The following MTMR10 variants were observed in gnomAD, a reference collection of about 807,000 sequenced individuals.
MTMR10 encodes myotubularin-related protein 10.
In MTMR10, 56 loss-of-function variants were observed where a neutral mutation model predicts 88.1. The ratio of observed to expected loss-of-function variants is 0.64; its 90% confidence interval spans 0.51 to 0.79. MTMR10 has a LOEUF of 0.79. Ranked by LOEUF, MTMR10 falls within the 30% of genes least tolerant of loss-of-function variation. The pLI is 0.00. For synonymous variants in MTMR10, 380 were observed against 340.9 expected (o/e 1.11, Z -1.26); for missense variants, 883 against 924.7 (o/e 0.95, Z 0.58).
the MTMR10 span, chr15:30,928,002 A>G: frequency 1.0e-6 from 1 of 985,876 alleles, no homozygotes; most frequent in Non-Finnish European, 1.2e-6. Flanking sequence ...AGCCTTGACT[A>G]TCGGAAGCAC....
chr15:30,974,647 A>G (rs1446227583), intron 4 of MTMR10, among the ~76,000 whole-genome samples, 191 bp from the exon 5 acceptor site: 1 of 152,180 alleles, frequency 6.6e-6, no homozygotes, highest in African/African-American at 2.4e-5. Flanking sequence ...AAGATATTTT[A>G]AATGATTATT....
the MTMR10 span, chr15:30,926,582 C>T: frequency 5.1e-6 from 5 of 980,006 alleles, no homozygotes; most frequent in Non-Finnish European, 6.1e-6. Context: ...TGAGATTCAT[C>T]TACATAATAT....
chr15:30,935,817 A>G (rs140576395), downstream of MTMR10, among the ~76,000 whole-genome samples: 1 of 152,312 alleles, frequency 6.6e-6, no homozygotes, highest in Non-Finnish European at 1.5e-5. Flanking sequence ...TCTAACTAGC[A>G]TGGTTTCCAA....
chr15:30,978,788 A>G (rs181777350), intron 2 of MTMR10, among the ~76,000 whole-genome samples: 13 of 152,324 alleles, frequency 8.5e-5, no homozygotes, highest in African/African-American at 2.9e-4. Context: ...GTCTTTCCCT[A>G]TAATTACATA....
chr15:30,934,027 C>T (rs541982999), downstream of MTMR10, among the ~76,000 whole-genome samples: 6 of 152,118 alleles, frequency 3.9e-5, no homozygotes, highest in East Asian at 9.7e-4. Flanking sequence ...TGAGAGTATA[C>T]CGTGCCCAGC....
At chr15:30,933,270 A>T in the MTMR10 span, among the ~76,000 whole-genome samples, 1 of 152,122 alleles carries the variant, frequency 6.6e-6, no homozygotes, top group Non-Finnish European at 1.5e-5. Context: ...TAGTGCTCCA[A>T]ATTTCCTTCT....
intron 7 of MTMR10, 59 bp from the exon 8 acceptor site, chr15:30,959,180 C>A: frequency 7.2e-7 from 1 of 1,394,264 alleles, no homozygotes; most frequent in Non-Finnish European, 9.9e-7. Context: ...TAGTGTGCTC[C>A]TGCAGACCCT....
At chr15:30,964,725 G>A (rs796606204) in intron 6 of MTMR10, among the ~76,000 whole-genome samples, 3 of 152,210 alleles carry the variant, frequency 2.0e-5, no homozygotes, top group Non-Finnish European at 2.9e-5. Context: ...ACCTGGCTCC[G>A]CTGACCGCTA....
chr15:30,978,757 G>A (rs2030343312), intron 2 of MTMR10, among the ~76,000 whole-genome samples: 1 of 152,124 alleles, frequency 6.6e-6, no homozygotes, highest in African/African-American at 2.4e-5. Flanking sequence ...ATAACCAAGT[G>A]TTCTGACTTC....
At chr15:30,954,739 T>C (rs1219116076) in intron 10 of MTMR10, 24 bp downstream of exon 10, 4 of 1,574,318 alleles carry the variant, frequency 2.5e-6, no homozygotes, top group African/African-American at 1.4e-5. Context: ...GTTCATTATA[T>C]ATATGAAATA....
intron 2 of MTMR10, among the ~76,000 whole-genome samples, chr15:30,978,038 C>G (rs1405032368): frequency 6.6e-6 from 1 of 152,188 alleles, no homozygotes; most frequent in Admixed American, 6.5e-5. Context: ...CAGCCTTCCT[C>G]ACCCTCACTG....
At chr15:30,974,477 G>A (rs759330646) in intron 4 of MTMR10, 21 bp from the exon 5 acceptor site, 6 of 1,498,246 alleles carry the variant, frequency 4.0e-6, no homozygotes, top group Non-Finnish European at 5.4e-6. Flanking sequence ...AAAAAAAATA[G>A]AGAAAATAAA....
At chr15:30,972,641 T>C (rs2141045069) in intron 5 of MTMR10, among the ~76,000 whole-genome samples, 1 of 152,276 alleles carries the variant, frequency 6.6e-6, no homozygotes, top group South Asian at 2.1e-4. Context: ...TGTAGTTGAT[T>C]TTATGCTGCC....
In MTMR10 at chr15:30,977,753, C is replaced by T. The variant is rs548204874; in HGVS notation, c.122-798G>A. ...AACCTTTAGCCCGATAGAATGTTTG[C>T]TGACAAACTCCAAACTCCTACCAAT... On this transcript the variant is annotated intron_variant, in intron 2 of 15. Coordinates refer to ENST00000435680, the MANE Select transcript of MTMR10 (RefSeq NM_017762.3). Among the ~76,000 whole-genome samples, 21 of 152,302 alleles carry T rather than the reference C, an allele frequency of 1.4e-4. No homozygotes were observed. In the South Asian group the frequency reaches 4.1e-3, roughly 30 times the overall value.
the MTMR10 span, chr15:30,929,273 A>G: frequency 6.2e-7 from 1 of 1,613,692 alleles, no homozygotes. Flanking sequence ...GCCAGGCTGC[A>G]GCTGATTCAT....
chr15:30,929,256 C>T, the MTMR10 span: 2 of 1,613,678 alleles, frequency 1.2e-6, no homozygotes, highest in Non-Finnish European at 1.7e-6. Context: ...GACGCCCAGC[C>T]CTTGAGGCCA....
chr15:30,928,173 G>T, the MTMR10 span: 1 of 1,011,396 alleles, frequency 9.9e-7, no homozygotes. Flanking sequence ...GCCTGCATGG[G>T]GATTCTGTGC....
Position 30,974,956 on chromosome 15 carries a change from T to G in MTMR10, c.306A>C (p.Leu102Phe). Residue 102 changes from leucine (L) to phenylalanine (F), a missense_variant, in exon 4 of 16, where the codon TTA (leucine) becomes TTC (phenylalanine). Transcript: ENST00000435680. ...CTGTGACAATTTGCTCAATACATGTTAAAGGGACATCGTGTTCACCAAGAA... is the reference window on the plus strand; with the variant it reads ...CTGTGACAATTTGCTCAATACATGTGAAAGGGACATCGTGTTCACCAAGAA... ...NLLLGEHDVP[L>F]TCIEQIVTVN... is the part of the protein sequence containing the mutation. The G allele has an allele frequency of 6.3e-7, 1 of 1,578,032 alleles. No individual in the cohort carries two copies. Among genetic ancestry groups the G allele is most frequent in the Non-Finnish European group, 8.6e-7 (1 of 1,159,846 alleles).
At chr15:30,969,880 T>A (rs1235875210) in intron 5 of MTMR10, among the ~76,000 whole-genome samples, 1 of 152,094 alleles carries the variant, frequency 6.6e-6, no homozygotes, top group Admixed American at 6.6e-5. Context: ...GCTTGGAAAA[T>A]CCTACTCCTC....
Sources: allele counts gnomAD v4.1 joint callset (sites outside exome capture counted in the v4.1 genomes callset), GRCh38; gene constraint gnomAD v4.1.1; transcripts MANE v1.5; gene names NCBI Gene and HGNC (gene_info 2026-07-23, HGNC 2026-07-21).